STARD13: variants seen among roughly 807,000 people sequenced by gnomAD.
The protein encoded by STARD13 is StAR related lipid transfer domain containing 13.
In STARD13, 62 loss-of-function variants were observed where a neutral mutation model predicts 106.4. The ratio of observed to expected loss-of-function variants is 0.58; its 90% CI spans 0.48 to 0.72. The LOEUF (loss-of-function observed/expected upper bound fraction) is 0.72, where lower values mean the gene tolerates loss of function less well. Ranked by LOEUF, STARD13 falls within the 30% of genes least tolerant of loss-of-function variation. The probability of loss-of-function intolerance (pLI) is 0.00; values close to 1 mark genes in which losing one functional copy is unlikely to be tolerated. For missense variants in STARD13, 1,387 were observed against 1,424.0 expected (o/e 0.97, Z 0.42); for synonymous variants, 565 against 553.0 (o/e 1.02, Z -0.31).
chr13:33,326,379 T>G (rs1277008486), intron 1 of STARD13, among the ~76,000 whole-genome samples: 1 of 152,204 alleles, frequency 6.6e-6, no homozygotes, highest in African/African-American at 2.4e-5. Context: ...AGAAGCTAAA[T>G]TTGAAATGAA....
intron 1 of STARD13, among the ~76,000 whole-genome samples, chr13:33,262,659 C>CA (rs55699459): frequency 1.8e-5 from 2 of 110,236 alleles, no homozygotes; most frequent in East Asian, 2.4e-4. Context: ...CACACACACA[C>CA]ACAACACACA....
At chr13:33,246,107 C>T (rs115354250) in intron 1 of STARD13, among the ~76,000 whole-genome samples, 126 of 152,304 alleles carry the variant, frequency 8.3e-4, no homozygotes, top group African/African-American at 2.9e-3. Context: ...TTTTTTAATT[C>T]ATTTTTTAGT....
chr13:33,150,467 T>C (rs1055723870), intron 3 of STARD13, among the ~76,000 whole-genome samples: 2 of 152,220 alleles, frequency 1.3e-5, no homozygotes, highest in South Asian at 2.1e-4. Context: ...CACACATTAG[T>C]GAGCAGCCAA....
chr13:33,453,054 C>T, the STARD13 span, among the ~76,000 whole-genome samples: 1 of 152,152 alleles, frequency 6.6e-6, no homozygotes, highest in Non-Finnish European at 1.5e-5. Context: ...ATGTGGCAGG[C>T]CTCCTTGGGC....
chr13:33,174,003 C>T (rs759756381), intron 1 of STARD13, among the ~76,000 whole-genome samples: 2 of 152,140 alleles, frequency 1.3e-5, no homozygotes, highest in Non-Finnish European at 2.9e-5. Flanking sequence ...AGCCTTGTTT[C>T]CTAGGCCTTG....
chr13:33,645,959 G>C, the STARD13 span, among the ~76,000 whole-genome samples: 3 of 151,982 alleles, frequency 2.0e-5, no homozygotes, highest in Non-Finnish European at 4.4e-5. Flanking sequence ...ATTTTAGCTG[G>C]AGAATATTAC....
chr13:33,448,918 C>G, the STARD13 span, among the ~76,000 whole-genome samples: 689 of 152,038 alleles, frequency 4.5e-3, 3 homozygotes, highest in African/African-American at 0.015. Flanking sequence ...GCCTTTTGCC[C>G]ATTTTTTAAT....
chr13:33,387,555 A>G, the STARD13 span, among the ~76,000 whole-genome samples: 3 of 152,138 alleles, frequency 2.0e-5, no homozygotes, highest in Non-Finnish European at 2.9e-5. Context: ...CTGGACCCCT[A>G]TTCACTCCAA....
chr13:33,644,138 T>C, the STARD13 span, among the ~76,000 whole-genome samples: 12 of 152,300 alleles, frequency 7.9e-5, no homozygotes, highest in East Asian at 9.7e-4. Flanking sequence ...GGACCACCCA[T>C]GTGCAAAACA....
chr13:33,236,815 AC>A (rs1219820323), intron 1 of STARD13, among the ~76,000 whole-genome samples: 1 of 152,290 alleles, frequency 6.6e-6, no homozygotes, highest in East Asian at 1.9e-4. Flanking sequence ...GCTTTCTTCA[AC>A]GTTGTTGCAT....
At chr13:33,653,133 A>G in the STARD13 span, among the ~76,000 whole-genome samples, 1 of 152,204 alleles carries the variant, frequency 6.6e-6, no homozygotes, top group African/African-American at 2.4e-5. Flanking sequence ...TGTAATCTCT[A>G]TCAAATTCCG....
the STARD13 span, among the ~76,000 whole-genome samples, chr13:33,544,371 TCTGA>T: frequency 6.6e-6 from 1 of 152,352 alleles, no homozygotes; most frequent in African/African-American, 2.4e-5. Flanking sequence ...TCTGTCAAAT[TCTGA>T]CTGTGCCACT....
Position 33,141,335 on chromosome 13 carries a change from T to A in STARD13, c.387+975A>T, listed in dbSNP as rs140274324. ...GACCTAGCCTGTTCAAGATTTACCTTCCTTATAGAGAAAACAGAGAAGCCT... is the reference window on the plus strand; with the variant it reads ...GACCTAGCCTGTTCAAGATTTACCTACCTTATAGAGAAAACAGAGAAGCCT... On this transcript the variant is annotated intron_variant, in intron 4 of 13. Transcript: ENST00000336934. Among the ~76,000 whole-genome samples, 169 of 152,304 alleles carry A rather than the reference T, an allele frequency of 1.1e-3. 1 individual carries two copies. The highest frequency in any genetic ancestry group is 3.8e-3 in the African/African-American group (156 of 41,558).
chr13:33,346,191 G>C (rs1357668040), downstream of STARD13, among the ~76,000 whole-genome samples: 1 of 152,204 alleles, frequency 6.6e-6, no homozygotes, highest in Non-Finnish European at 1.5e-5. Flanking sequence ...CCAACAACTA[G>C]GTGAGCGAGC....
At chr13:33,109,015 T>A (rs1413030748) in intron 12 of STARD13, among the ~76,000 whole-genome samples, 1 of 152,178 alleles carries the variant, frequency 6.6e-6, no homozygotes, top group Admixed American at 6.5e-5. Context: ...CATAAAGAGC[T>A]CATGTGAAAA....
chr13:33,522,208 TA>T, the STARD13 span, among the ~76,000 whole-genome samples: 1 of 152,094 alleles, frequency 6.6e-6, no homozygotes, highest in African/African-American at 2.4e-5. Context: ...TTTTACAAAA[TA>T]AACTTCACTT....
intron 4 of STARD13, among the ~76,000 whole-genome samples, chr13:33,135,505 C>T (rs1032645909): frequency 6.6e-6 from 1 of 152,154 alleles, no homozygotes; most frequent in Non-Finnish European, 1.5e-5. Context: ...GTATAATGTA[C>T]AGAATCCACT....
At chr13:33,453,676 A>G in the STARD13 span, among the ~76,000 whole-genome samples, 2 of 152,230 alleles carry the variant, frequency 1.3e-5, no homozygotes, top group African/African-American at 2.4e-5. Context: ...TATTGACCAA[A>G]ACATAGTTTA....
chr13:33,300,193 A>G (rs1379859903), intron 1 of STARD13, among the ~76,000 whole-genome samples: 2 of 152,194 alleles, frequency 1.3e-5, no homozygotes, highest in African/African-American at 4.8e-5. Flanking sequence ...AATTGAAGTT[A>G]AGCCTCATAA....
Sources: allele counts gnomAD v4.1 joint callset (sites outside exome capture counted in the v4.1 genomes callset), GRCh38; gene constraint gnomAD v4.1.1; transcripts MANE v1.5; gene names NCBI Gene and HGNC (gene_info 2026-07-23, HGNC 2026-07-21).